The following CA10 variants were observed in gnomAD, a reference collection of about 807,000 sequenced individuals.
CA10 encodes carbonic anhydrase-related protein 10.
In CA10, 14 loss-of-function variants were observed where a neutral mutation model predicts 44.2. That is an observed-to-expected ratio of 0.32 (90% CI 0.21 to 0.50). CA10 has a LOEUF of 0.50. Among genes scored for constraint, CA10 ranks in the 20% least tolerant of loss-of-function variants. The pLI is 0.99. For synonymous variants in CA10, 159 were observed against 141.6 expected (o/e 1.12, Z -0.87); for missense variants, 350 against 409.7 (o/e 0.85, Z 1.26).
At chr17:51,686,279 A>G (rs1286262033) in intron 4 of CA10, among the ~76,000 whole-genome samples, 1 of 152,042 alleles carries the variant, frequency 6.6e-6, no homozygotes, top group Non-Finnish European at 1.5e-5. Context: ...AGTCAATTAA[A>G]CCTCTTTCCT....
intron 4 of CA10, among the ~76,000 whole-genome samples, chr17:51,725,147 G>C (rs1263777464): frequency 6.6e-6 from 1 of 152,238 alleles, no homozygotes; most frequent in Non-Finnish European, 1.5e-5. Context: ...GCTCCATGTA[G>C]ATATCTCAGT....
At chr17:51,693,897 C>T (rs1039939139) in intron 4 of CA10, among the ~76,000 whole-genome samples, 3 of 152,046 alleles carry the variant, frequency 2.0e-5, no homozygotes, top group Admixed American at 2.0e-4. Flanking sequence ...TAGTTCTGTT[C>T]TAAGTTCTTT....
intron 1 of CA10, among the ~76,000 whole-genome samples, chr17:52,126,980 A>G (rs1299929389): frequency 1.3e-5 from 2 of 152,210 alleles, no homozygotes; most frequent in African/African-American, 4.8e-5. Context: ...TGGCCTCTTT[A>G]CTTATATATT....
At chr17:51,967,487 A>G (rs972815408) in intron 2 of CA10, among the ~76,000 whole-genome samples, 8 of 151,796 alleles carry the variant, frequency 5.3e-5, no homozygotes, top group African/African-American at 1.7e-4. Context: ...GTACATCTAT[A>G]CTATGGAATA....
chr17:51,761,856 T>C (rs1905224625), intron 3 of CA10: 1 of 152,156 alleles, frequency 6.6e-6, no homozygotes, highest in Non-Finnish European at 1.5e-5. Context: ...GCACTTATTA[T>C]TGGATTTACC....
chr17:51,717,969 A>G (rs1916224877), intron 4 of CA10, among the ~76,000 whole-genome samples: 2 of 147,744 alleles, frequency 1.4e-5, no homozygotes, highest in South Asian at 4.3e-4. Context: ...GTAACTCAGG[A>G]ATGGAAAATC....
chr17:52,059,093 T>C (rs1036335749), intron 2 of CA10, among the ~76,000 whole-genome samples: 1 of 152,156 alleles, frequency 6.6e-6, no homozygotes, highest in Non-Finnish European at 1.5e-5. Flanking sequence ...TCCATTAAAT[T>C]CTGCTTGCTT....
intron 1 of CA10, among the ~76,000 whole-genome samples, chr17:52,102,672 T>TCCA (rs1400034895): frequency 6.6e-6 from 1 of 152,210 alleles, no homozygotes; most frequent in Non-Finnish European, 1.5e-5. Flanking sequence ...AAAGCCTCCC[T>TCCA]CTTGGGCTTC....
chr17:51,888,905 A>G (rs8077830), intron 3 of CA10, among the ~76,000 whole-genome samples: 21,417 of 152,092 alleles, frequency 0.14, 2,470 homozygotes, highest in African/African-American at 0.32. Flanking sequence ...TCACTTGGGG[A>G]TCTTTAATAT....
intron 3 of CA10, among the ~76,000 whole-genome samples, chr17:51,864,960 G>A (rs1979478293): frequency 6.6e-6 from 1 of 152,150 alleles, no homozygotes; most frequent in East Asian, 1.9e-4. Context: ...TGTGTCAGAT[G>A]TTGTGCTGGG....
chr17:52,028,851 G>A (rs921149863), intron 2 of CA10, among the ~76,000 whole-genome samples: 5 of 152,172 alleles, frequency 3.3e-5, no homozygotes, highest in South Asian at 4.1e-4. Context: ...AGGACTTTTA[G>A]GGCCATGAAG....
Position 52,079,264 on chromosome 17 carries a change from C to T in CA10, c.62-6871G>A, listed in dbSNP as rs552470099. Among the ~76,000 whole-genome samples, 5 of 151,228 alleles carry T rather than the reference C, an allele frequency of 3.3e-5. No homozygotes were observed. In the South Asian group the frequency reaches 6.3e-4, roughly 19 times the overall value. On this transcript the variant is annotated intron_variant, in intron 1 of 8. Transcript: ENST00000451037. ...TTGCACCACTGCACTCCAGCCTGGG[C>T]GACAGAGCGAAACTCCGTCTCAAAA...
intron 4 of CA10, among the ~76,000 whole-genome samples, chr17:51,688,563 T>C (rs1344558648): frequency 6.6e-6 from 1 of 152,254 alleles, no homozygotes; most frequent in Non-Finnish European, 1.5e-5. Flanking sequence ...AGATGATGTC[T>C]GTGTTTGGAA....
chr17:52,130,715 T>G (rs1403040021), intron 1 of CA10, among the ~76,000 whole-genome samples: 1 of 152,050 alleles, frequency 6.6e-6, no homozygotes, highest in Non-Finnish European at 1.5e-5. Context: ...TCTTTTTTTT[T>G]GAGATGGGGT....
chr17:51,647,475 C>T (rs1271022032), intron 6 of CA10, among the ~76,000 whole-genome samples: 1 of 152,084 alleles, frequency 6.6e-6, no homozygotes, highest in Non-Finnish European at 1.5e-5. Flanking sequence ...CCTGCCTCCC[C>T]TTCCTCTCCC....
intron 4 of CA10, among the ~76,000 whole-genome samples, chr17:51,692,804 GAAC>G (rs1915261363): frequency 6.6e-6 from 1 of 152,200 alleles, no homozygotes; most frequent in Non-Finnish European, 1.5e-5. Flanking sequence ...TAATTTAAAT[GAAC>G]ACCAAGGAGT....
At chr17:51,859,036 C>T (rs1979180318) in intron 3 of CA10, among the ~76,000 whole-genome samples, 1 of 151,294 alleles carries the variant, frequency 6.6e-6, no homozygotes, top group South Asian at 2.1e-4. Flanking sequence ...AGTAAGTGCC[C>T]AATGTTAGTT....
At chr17:52,069,387 G>A (rs1336288916) in intron 2 of CA10, among the ~76,000 whole-genome samples, 4 of 152,284 alleles carry the variant, frequency 2.6e-5, no homozygotes, top group Admixed American at 6.5e-5. Context: ...TATGGAGGGC[G>A]AATGTGCAAG....
intron 2 of CA10, among the ~76,000 whole-genome samples, chr17:52,007,648 A>G (rs959474099): frequency 6.6e-6 from 1 of 151,478 alleles, no homozygotes; most frequent in African/African-American, 2.4e-5. Context: ...CTGATGTTTT[A>G]TTTACAATTT....
Sources: allele counts gnomAD v4.1 joint callset (sites outside exome capture counted in the v4.1 genomes callset), GRCh38; gene constraint gnomAD v4.1.1; transcripts MANE v1.5; gene names NCBI Gene and HGNC (gene_info 2026-07-23, HGNC 2026-07-21).